The following RHOQ variants were observed in gnomAD, a reference collection of about 807,000 sequenced individuals.
RHOQ encodes the protein ras homolog family member Q.
A neutral mutation model predicts 25.8 loss-of-function variants in RHOQ; 7 were observed. The observed-to-expected ratio is 0.27, with a 90% CI of 0.15 to 0.51. RHOQ has a LOEUF of 0.51. Ranked by LOEUF, RHOQ falls within the 20% of genes least tolerant of loss-of-function variation. The pLI is 0.97. For missense variants in RHOQ, 165 were observed against 260.6 expected (o/e 0.63, Z 2.53); for synonymous variants, 97 against 98.6 (o/e 0.98, Z 0.10).
chr2:46,577,686 A>T (rs1425332697), intron 4 of RHOQ, among the ~76,000 whole-genome samples: 1 of 148,092 alleles, frequency 6.8e-6, no homozygotes, highest in African/African-American at 2.5e-5. Flanking sequence ...AAGTGCTAGG[A>T]TTACAGGCAT....
In RHOQ at chr2:46,584,626, T is replaced by A. The variant is rs77695949; in HGVS notation, c.*3543T>A. 6.6e-6 allele frequency among the ~76,000 whole-genome samples: 1 copy of A among 152,180 alleles called. No homozygotes were observed. Among genetic ancestry groups the A allele is most frequent in the East Asian group, 1.9e-4 (1 of 5,204 alleles). Reference sequence around the variant, plus strand: ...TTGGAACACTTGGTTATTCATGTTATGTAAATCAAGAAGTGCATGCCATCA... The same window carrying A: ...TTGGAACACTTGGTTATTCATGTTAAGTAAATCAAGAAGTGCATGCCATCA... On this transcript the variant is annotated 3_prime_UTR_variant, in exon 5 of 5. Transcript: ENST00000238738.
intron 2 of RHOQ, among the ~76,000 whole-genome samples, chr2:46,565,257 G>C (rs910375831): frequency 1.3e-5 from 2 of 152,202 alleles, no homozygotes; most frequent in Non-Finnish European, 2.9e-5. Context: ...TATGGGGCCA[G>C]GGTCCCCAGG....
chr2:46,565,995 G>A (rs1668719902), intron 2 of RHOQ, among the ~76,000 whole-genome samples: 1 of 152,208 alleles, frequency 6.6e-6, no homozygotes, highest in Admixed American at 6.5e-5. Context: ...ACTCAAGCCT[G>A]GAAGATGAGT....
chr2:46,561,492 A>G (rs1284962768), intron 2 of RHOQ, among the ~76,000 whole-genome samples: 1 of 152,150 alleles, frequency 6.6e-6, no homozygotes, highest in Non-Finnish European at 1.5e-5. Context: ...TGGGAAGAGG[A>G]GTTTGATGAC....
intron 2 of RHOQ, among the ~76,000 whole-genome samples, chr2:46,574,316 G>A (rs193200375): frequency 1.3e-5 from 2 of 151,242 alleles, no homozygotes; most frequent in Non-Finnish European, 2.9e-5. Context: ...TGGGTGGGAT[G>A]CTAAGATGAC....
chr2:46,573,739 C>T (rs1212521044), intron 2 of RHOQ, among the ~76,000 whole-genome samples: 3 of 152,202 alleles, frequency 2.0e-5, no homozygotes, highest in Admixed American at 6.5e-5. Flanking sequence ...AGAGAAAGAG[C>T]GCACACTTCT....
chr2:46,543,556 C>G (rs1046964883), intron 1 of RHOQ, 198 bp from the exon 2 acceptor site: 3 of 617,814 alleles, frequency 4.9e-6, no homozygotes, highest in African/African-American at 3.7e-5. Flanking sequence ...GGGTGGACGG[C>G]TGGGGACCAC....
At position 46,554,623 on chromosome 2, in the gene RHOQ, C is replaced by A. The variant is rs149438384; in HGVS notation, c.201+10811C>A. 5.3e-5 allele frequency among the ~76,000 whole-genome samples: 8 copies of A among 152,220 alleles called. No individual in the cohort carries two copies. In the East Asian group the frequency reaches 1.5e-3, roughly 29 times the overall value. Reference sequence around the variant, plus strand: ...ACGTCCTTTCTGTGTTAACATTCCCCAGGCGGGTCACAAGGAGTGGCTGAA... The same window carrying A: ...ACGTCCTTTCTGTGTTAACATTCCCAAGGCGGGTCACAAGGAGTGGCTGAA... On this transcript the variant is annotated intron_variant, in intron 2 of 4. Coordinates refer to ENST00000238738, the MANE Select transcript of RHOQ (RefSeq NM_012249.4).
chr2:46,544,363 AC>A (rs1332323789), intron 2 of RHOQ, among the ~76,000 whole-genome samples: 1 of 151,892 alleles, frequency 6.6e-6, no homozygotes, highest in Non-Finnish European at 1.5e-5. Context: ...AAGAAAAGAA[AC>A]AACAACCATG....
Position 46,579,181 on chromosome 2 carries a change from C to T in RHOQ, c.463-1747C>T, listed in dbSNP as rs73926513. On this transcript the variant is annotated intron_variant, in intron 4 of 4. Transcript: ENST00000238738. Reference sequence around the variant, plus strand: ...GACTCATCAGCATTTGGCACAGTTGCGTCCTTCCTGAAACTTTCTTCAGTT... The same window carrying T: ...GACTCATCAGCATTTGGCACAGTTGTGTCCTTCCTGAAACTTTCTTCAGTT... Among the ~76,000 whole-genome samples the T allele has an allele frequency of 1.9e-3, 288 of 152,326 alleles. 1 individual carries two copies. The highest frequency in any genetic ancestry group is 6.3e-3 in the African/African-American group (261 of 41,568).
intron 2 of RHOQ, among the ~76,000 whole-genome samples, chr2:46,546,230 A>T (rs1262002918): frequency 6.6e-6 from 1 of 151,706 alleles, no homozygotes; most frequent in Admixed American, 6.6e-5. Context: ...GATCTACCAC[A>T]GCTGATGTCA....
intron 2 of RHOQ, among the ~76,000 whole-genome samples, chr2:46,559,189 T>A (rs1011647558): frequency 9.9e-5 from 15 of 152,102 alleles, no homozygotes; most frequent in Admixed American, 3.3e-4. Context: ...AGAGAGGAAG[T>A]TTTGCCATGT....
chr2:46,545,105 ACC>A (rs376491187), intron 2 of RHOQ, among the ~76,000 whole-genome samples: 2 of 152,116 alleles, frequency 1.3e-5, no homozygotes, highest in African/African-American at 4.8e-5. Flanking sequence ...CCCTGAGACC[ACC>A]CCCTTTCACC....
chr2:46,557,833 G>A (rs1186955329), intron 2 of RHOQ, among the ~76,000 whole-genome samples: 3 of 152,202 alleles, frequency 2.0e-5, no homozygotes, highest in Non-Finnish European at 4.4e-5. Flanking sequence ...CATGATGACT[G>A]ATGAGGCCTG....
intron 1 of RHOQ, 83 bp from the exon 2 acceptor site, chr2:46,543,671 G>A: frequency 8.0e-7 from 1 of 1,252,034 alleles, no homozygotes; most frequent in East Asian, 2.5e-5. Context: ...GTTGGGAGAG[G>A]AGGGTCCGGG....
Position 46,581,128 on chromosome 2 carries a change from A to C in RHOQ, c.*45A>C. 7.1e-7 allele frequency: 1 copy of C among 1,414,586 alleles called. No individual in the cohort carries two copies. The highest frequency in any genetic ancestry group is 9.5e-7 in the Non-Finnish European group (1 of 1,052,134). 87.6% of individuals were successfully genotyped at this position (1,414,586 alleles called of 1,614,324 possible). A position where few individuals can be genotyped will look rare whatever the true frequency, so the allele number is the denominator to read the frequency against. On this transcript the variant is annotated 3_prime_UTR_variant, in exon 5 of 5. Transcript: ENST00000238738. Reference sequence around the variant, plus strand: ...AGGAAACTGTCCATTTCTCTCAGAAAGCAAATGAAATGCTACAGCTATACC... The same window carrying C: ...AGGAAACTGTCCATTTCTCTCAGAACGCAAATGAAATGCTACAGCTATACC...
At chr2:46,560,612 C>T (rs1000440154) in intron 2 of RHOQ, 7 of 456,144 alleles carry the variant, frequency 1.5e-5, no homozygotes, top group East Asian at 6.9e-5. Context: ...TCCTTCCATA[C>T]GAGAGCATGG....
intron 2 of RHOQ, among the ~76,000 whole-genome samples, chr2:46,560,857 T>C (rs922770203): frequency 6.6e-6 from 1 of 152,210 alleles, no homozygotes; most frequent in African/African-American, 2.4e-5. Context: ...TGATTAGATT[T>C]GGGTGTTTTG....
At position 46,582,973 on chromosome 2, in the gene RHOQ, C is replaced by G. The variant is rs1335417748; in HGVS notation, c.*1890C>G. ...GGCCTTATGTATGCTCAAATGGAATCTTATGTAACTTTCTTATTTAATTTT... is the reference window on the plus strand; with the variant it reads ...GGCCTTATGTATGCTCAAATGGAATGTTATGTAACTTTCTTATTTAATTTT... On this transcript the variant is annotated 3_prime_UTR_variant, in exon 5 of 5. Transcript: ENST00000238738. The G allele has an allele frequency of 6.6e-6, 1 of 152,086 alleles. No individual in the cohort carries two copies. The highest frequency in any genetic ancestry group is 2.4e-5 in the African/African-American group (1 of 41,414). 9.4% of individuals were successfully genotyped at this position (152,086 alleles called of 1,614,324 possible).
Sources: gnomAD v4.1 joint callset for allele counts (sites outside exome capture counted in the v4.1 genomes callset) on GRCh38, gnomAD v4.1.1 for gene constraint, MANE v1.5 for transcripts, NCBI Gene and HGNC (gene_info 2026-07-23, HGNC 2026-07-21) for gene names.